POLK: variants seen among roughly 807,000 people sequenced by gnomAD.
POLK encodes polymerase (DNA directed) kappa.
A neutral mutation model predicts 94.0 loss-of-function variants in POLK; 76 were observed. That is an observed-to-expected ratio of 0.81 (90% CI 0.67 to 0.98). POLK has a LOEUF of 0.98. POLK is among the 50% of genes least tolerant of loss of function. POLK has a pLI of 0.00. For missense variants in POLK, 954 were observed against 1,010.1 expected (o/e 0.94, Z 0.75); for synonymous variants, 349 against 325.4 (o/e 1.07, Z -0.78).
exon 5 of POLK, chr5:75,573,781 C>T (rs779781791): frequency 1.9e-6 from 3 of 1,612,592 alleles, no homozygotes; most frequent in Admixed American, 3.3e-5. Flanking sequence ...GTTCGTGCAG[C>T]CATGCCAGGA....
At chr5:75,517,852 TG>T (rs2112524936) in intron 1 of POLK, among the ~76,000 whole-genome samples, 1 of 152,322 alleles carries the variant, frequency 6.6e-6, no homozygotes, top group African/African-American at 2.4e-5. Flanking sequence ...CATAAAGAGA[TG>T]TTGAATTTGT....
upstream of POLK, chr5:75,511,701 C>T: frequency 2.6e-6 from 4 of 1,543,258 alleles, no homozygotes; most frequent in Non-Finnish European, 3.5e-6. Flanking sequence ...CGCCCCGTCC[C>T]CCTCCCGGCG....
chr5:75,604,090 T>C (rs1352662390), downstream of POLK, among the ~76,000 whole-genome samples: 1 of 152,186 alleles, frequency 6.6e-6, no homozygotes, highest in Admixed American at 6.5e-5. Context: ...TGTCCAAAAG[T>C]GTTTACTACT....
At chr5:75,564,247 TTTC>T in intron 3 of POLK, among the ~76,000 whole-genome samples, 1 of 151,076 alleles carries the variant, frequency 6.6e-6, no homozygotes, top group African/African-American at 2.5e-5. Context: ...TCTTTCTTTC[TTTC>T]TTTTCTTTCT....
intron 12 of POLK, among the ~76,000 whole-genome samples, chr5:75,595,893 T>C (rs1286160346): frequency 6.6e-6 from 1 of 152,078 alleles, no homozygotes; most frequent in Non-Finnish European, 1.5e-5. Flanking sequence ...AAAATTCCTC[T>C]AAAAAATAAA....
chr5:75,608,800 A>G, the POLK span: 1 of 152,260 alleles, frequency 6.6e-6, no homozygotes, highest in Admixed American at 6.5e-5. Context: ...ATGGCTCTCC[A>G]CCAGGAAACA....
intron 4 of POLK, among the ~76,000 whole-genome samples, chr5:75,573,180 G>A (rs1356995249): frequency 1.3e-5 from 2 of 152,144 alleles, no homozygotes; most frequent in Non-Finnish European, 2.9e-5. Flanking sequence ...ATACTATGCA[G>A]CCATAAAAAA....
exon 12 of POLK, chr5:75,593,944 T>A: frequency 1.2e-6 from 2 of 1,608,248 alleles, no homozygotes; most frequent in Non-Finnish European, 1.7e-6. Flanking sequence ...ATCTACAGTT[T>A]CATCTGTTGT....
chr5:75,590,637 C>T, intron 11 of POLK, 197 bp downstream of exon 11: 2 of 531,088 alleles, frequency 3.8e-6, no homozygotes, highest in South Asian at 6.1e-5. Context: ...TGAGGTGATT[C>T]TATGAAGAAG....
exon 9 of POLK, chr5:75,584,837 G>A (rs1772380751): frequency 6.2e-7 from 1 of 1,600,646 alleles, no homozygotes; most frequent in Non-Finnish European, 8.6e-7. Context: ...TTTACCAACA[G>A]AGGGCATTGC....
intron 3 of POLK, among the ~76,000 whole-genome samples, chr5:75,561,528 A>G (rs945846510): frequency 3.9e-5 from 6 of 152,112 alleles, no homozygotes; most frequent in Non-Finnish European, 8.8e-5. Flanking sequence ...CCATTTGTCA[A>G]TTTTGGCTTT....
At chr5:75,555,049 C>T (rs942773645) in intron 3 of POLK, among the ~76,000 whole-genome samples, 17 of 152,166 alleles carry the variant, frequency 1.1e-4, no homozygotes, top group Non-Finnish European at 5.9e-5. Flanking sequence ...AAAGATTTTC[C>T]ATATACTCCT....
intron 2 of POLK, among the ~76,000 whole-genome samples, chr5:75,549,410 A>T (rs5744591): frequency 0.078 from 11,884 of 152,030 alleles, 556 homozygotes; most frequent in South Asian, 0.17. Flanking sequence ...CATACTTTAT[A>T]ATAAGCCTTG....
At chr5:75,531,470 T>C (rs1769180896) in intron 1 of POLK, among the ~76,000 whole-genome samples, 1 of 152,116 alleles carries the variant, frequency 6.6e-6, no homozygotes, top group Non-Finnish European at 1.5e-5. Context: ...AAATGTGGGC[T>C]GTGGACCAGT....
intron 1 of POLK, among the ~76,000 whole-genome samples, chr5:75,532,664 C>G (rs1366575275): frequency 6.6e-6 from 1 of 152,184 alleles, no homozygotes; most frequent in Non-Finnish European, 1.5e-5. Flanking sequence ...AATTGCCAAA[C>G]TGCTTTCCAC....
chr5:75,533,992 G>C (rs902579540), intron 1 of POLK, among the ~76,000 whole-genome samples: 2 of 152,090 alleles, frequency 1.3e-5, no homozygotes, highest in African/African-American at 4.8e-5. Flanking sequence ...GGAGCTGGGC[G>C]TGGTGGCTCA....
At chr5:75,534,244 T>G (rs1417661793) in intron 1 of POLK, among the ~76,000 whole-genome samples, 2 of 147,706 alleles carry the variant, frequency 1.4e-5, no homozygotes, top group East Asian at 4.0e-4. Flanking sequence ...GCAGCTTGGA[T>G]GACAGAGCGA....
chr5:75,576,800 T>C (rs771096186), exon 6 of POLK: 18 of 1,518,020 alleles, frequency 1.2e-5, no homozygotes, highest in Non-Finnish European at 1.5e-5. Flanking sequence ...TACTTGCTGA[T>C]TATGATCCCA....
At chr5:75,525,975 C>G (rs1768821067) in intron 1 of POLK, among the ~76,000 whole-genome samples, 1 of 152,102 alleles carries the variant, frequency 6.6e-6, no homozygotes, top group Non-Finnish European at 1.5e-5. Context: ...GTGTTAAAGA[C>G]ACTTAAATGA....
Sources: allele counts gnomAD v4.1 joint callset (sites outside exome capture counted in the v4.1 genomes callset), GRCh38; gene constraint gnomAD v4.1.1; transcripts MANE v1.5; gene names NCBI Gene and HGNC (gene_info 2026-07-23, HGNC 2026-07-21).